The following RB1CC1 variants were observed in gnomAD, a reference collection of about 807,000 sequenced individuals.
The protein encoded by RB1CC1 is RB1 inducible coiled-coil 1.
In RB1CC1, 46 loss-of-function variants were observed where a neutral mutation model predicts 177.5. The observed-to-expected ratio is 0.26, with a 90% CI of 0.20 to 0.33. RB1CC1 has a LOEUF of 0.33. RB1CC1 is among the 10% of genes least tolerant of loss of function. RB1CC1 has a pLI of 1.00. For missense variants in RB1CC1, 1,703 were observed against 1,816.3 expected, an observed-to-expected ratio of 0.94 and a Z score of 1.13; for synonymous variants, 666 against 613.6, an observed-to-expected ratio of 1.09 and a Z score of -1.26.
chr8:52,651,381 C>G (rs1235499526), intron 15 of RB1CC1, among the ~76,000 whole-genome samples: 3 of 152,226 alleles, frequency 2.0e-5, no homozygotes, highest in Non-Finnish European at 4.4e-5. Context: ...TGCTGTCTTG[C>G]TAAAATGGTA....
intron 21 of RB1CC1, 47 bp from the exon 22 acceptor site, chr8:52,628,215 C>T (rs914701965): frequency 6.4e-7 from 1 of 1,553,582 alleles, no homozygotes; most frequent in African/African-American, 1.4e-5. Flanking sequence ...ACTTTCAATC[C>T]CCCTATTCTG....
At chr8:52,634,581 A>G (rs1848992724) in intron 20 of RB1CC1, among the ~76,000 whole-genome samples, 1 of 152,186 alleles carries the variant, frequency 6.6e-6, no homozygotes, top group South Asian at 2.1e-4. Flanking sequence ...GAGTAAATAT[A>G]TTAATCTTCA....
At chr8:52,664,193 T>A (rs1851864955) in intron 8 of RB1CC1, among the ~76,000 whole-genome samples, 1 of 152,200 alleles carries the variant, frequency 6.6e-6, no homozygotes, top group Non-Finnish European at 1.5e-5. Flanking sequence ...TTTTCTCTAA[T>A]GAGCTCACTG....
intron 16 of RB1CC1, among the ~76,000 whole-genome samples, chr8:52,644,458 C>A (rs1436621041): frequency 6.6e-6 from 1 of 152,112 alleles, no homozygotes; most frequent in Non-Finnish European, 1.5e-5. Flanking sequence ...AGAGACAATG[C>A]AACACAAGGA....
chr8:52,708,685 G>GA (rs558616776), intron 1 of RB1CC1, among the ~76,000 whole-genome samples: 2 of 152,174 alleles, frequency 1.3e-5, no homozygotes, highest in African/African-American at 2.4e-5. Context: ...TATCTGGGGG[G>GA]AAAAACCTAT....
chr8:52,671,635 CT>C (rs909314232), intron 7 of RB1CC1, among the ~76,000 whole-genome samples: 2 of 152,176 alleles, frequency 1.3e-5, no homozygotes, highest in African/African-American at 4.8e-5. Context: ...AGATCATATA[CT>C]TTGTAAAATA....
chr8:52,656,263 G>A lies in RB1CC1; in HGVS notation c.3566C>T (p.Ala1189Val). The change falls in exon 15 of 24, where the codon GCT (alanine) becomes GTT (valine). Residue 1189 changes from alanine to valine, a missense_variant. By Grantham distance (64) the Ala-to-Val change is moderately conservative. Transcript: ENST00000025008. ...LQSKLDSELS[A>V]LERQKDEKIT... Reference sequence around the variant, plus strand: ...TTTTTCATCTTTTTGTCTTTCAAGAGCACTCAATTCTGAATCCAATTTACT... The same window carrying A: ...TTTTTCATCTTTTTGTCTTTCAAGAACACTCAATTCTGAATCCAATTTACT... 1 of 1,613,174 alleles carries A rather than the reference G, an allele frequency of 6.2e-7. No homozygotes were observed. Among genetic ancestry groups the A allele is most frequent in the Non-Finnish European group, 8.5e-7 (1 of 1,179,730 alleles).
chr8:52,682,008 A>C (rs1204412561), intron 5 of RB1CC1, among the ~76,000 whole-genome samples: 1 of 152,232 alleles, frequency 6.6e-6, no homozygotes, highest in African/African-American at 2.4e-5. Context: ...ACGGTCCTCC[A>C]GACCCCAGAA....
intron 7 of RB1CC1, among the ~76,000 whole-genome samples, chr8:52,669,616 A>G (rs995197739): frequency 7.9e-5 from 12 of 152,218 alleles, no homozygotes; most frequent in African/African-American, 2.9e-4. Context: ...GTTTTGCACA[A>G]TGTTGTCTCA....
intron 1 of RB1CC1, among the ~76,000 whole-genome samples, chr8:52,695,239 G>A (rs1855286409): frequency 6.6e-6 from 1 of 152,178 alleles, no homozygotes. Flanking sequence ...AGAAATACTA[G>A]TATAAACAAG....
chr8:52,704,917 A>C (rs1057126548), intron 1 of RB1CC1, among the ~76,000 whole-genome samples: 1 of 152,210 alleles, frequency 6.6e-6, no homozygotes, highest in African/African-American at 2.4e-5. Context: ...CTTTTATAAA[A>C]TGAAACCATA....
rs1849995552 is a variant in RB1CC1, at chr8:52,646,086, G to T, written c.3822-219C>A. Among the ~76,000 whole-genome samples the T allele has an allele frequency of 2.0e-5, 3 of 152,274 alleles. No individual in the cohort carries two copies. The South Asian group carries it at 6.2e-4, about 32-fold the overall frequency. The stretch of plus-strand genomic sequence containing the variant: ...TAACAAGGTTTACTGATTTTTATCA[G>T]TATAGCAGATAAATTCCAGATAATT... On this transcript the variant is annotated intron_variant, in intron 15 of 23. Coordinates refer to ENST00000025008, the MANE Select transcript of RB1CC1 (RefSeq NM_014781.5).
At chr8:52,660,700 T>G (rs755359332) in intron 11 of RB1CC1, 43 bp from the exon 12 acceptor site, 1 of 1,512,348 alleles carries the variant, frequency 6.6e-7, no homozygotes, top group Non-Finnish European at 9.0e-7. Flanking sequence ...AGAGCTTTAT[T>G]TAAGGCAAAA....
chr8:52,675,888 GA>G (rs1268855883), intron 6 of RB1CC1, among the ~76,000 whole-genome samples: 3,498 of 72,152 alleles, frequency 0.048, 150 homozygotes, highest in African/African-American at 0.15. Flanking sequence ...CTCCGTCTCA[GA>G]AAAAAAAAAA....
intron 18 of RB1CC1, among the ~76,000 whole-genome samples, chr8:52,638,807 G>A (rs898099356): frequency 1.3e-5 from 2 of 152,026 alleles, no homozygotes; most frequent in Non-Finnish European, 2.9e-5. Flanking sequence ...GATCAACAAT[G>A]CCTCTAATGT....
intron 18 of RB1CC1, among the ~76,000 whole-genome samples, chr8:52,637,776 T>C (rs1849264235): frequency 6.6e-6 from 1 of 152,096 alleles, no homozygotes; most frequent in Non-Finnish European, 1.5e-5. Context: ...GTTCAATCAA[T>C]TCTCCTGTCT....
rs371957143 is a variant in RB1CC1 at position 52,653,147 on chromosome 8, G to A, written c.3821+2861C>T. On this transcript the variant is annotated intron_variant, in intron 15 of 23. Coordinates refer to ENST00000025008, the MANE Select transcript of RB1CC1 (RefSeq NM_014781.5). The stretch of plus-strand genomic sequence containing the variant: ...GCATCCAAAGGCAGGTATACTGGAA[G>A]GGATTTATTACTTATACCCTCAGAG... Among the ~76,000 whole-genome samples the A allele has an allele frequency of 3.3e-5, 5 of 152,294 alleles. No homozygotes were observed. The East Asian group carries it at 5.8e-4, about 18-fold the overall frequency.
Position 52,656,288 on chromosome 8 carries a change from T to G in RB1CC1, c.3541A>C (p.Ser1181Arg). 1.2e-6 allele frequency: 2 copies of G among 1,613,376 alleles called. No individual in the cohort carries two copies. The highest frequency in any genetic ancestry group is 1.7e-6 in the Non-Finnish European group (2 of 1,179,818). ...NLKEQIIELQ[S>R]KLDSELSALE... ...GCACTCAATTCTGAATCCAATTTAC[T>G]CTGCAGTTCAATTATTTGTTCTTTT... The change falls in exon 15 of 24, where the codon AGT (serine) becomes CGT (arginine). Residue 1181 changes from serine (S) to arginine (R), a missense_variant. By Grantham distance (110) the Ser-to-Arg change is moderately radical (BLOSUM62 -1). Coordinates refer to ENST00000025008, the MANE Select transcript of RB1CC1 (RefSeq NM_014781.5).
In RB1CC1 at chr8:52,630,439, A is replaced by G. The variant is rs764484652; in HGVS notation, c.4499+31T>C. The G allele has an allele frequency of 4.5e-6, 7 of 1,539,818 alleles. No homozygotes were observed. In the Admixed American group the frequency reaches 1.3e-4, roughly 29 times the overall value. On this transcript the variant is annotated intron_variant, in intron 21 of 23. Transcript: ENST00000025008. ...TAACAATTCAGTGAATGTTTTTCAC[A>G]GAAAAATACTCACAAAACTAAAATA... is the stretch of plus-strand genomic sequence containing the variant.
Sources: gnomAD v4.1 joint callset for allele counts (sites outside exome capture counted in the v4.1 genomes callset) on GRCh38, gnomAD v4.1.1 for gene constraint, MANE v1.5 for transcripts, NCBI Gene and HGNC (gene_info 2026-07-23, HGNC 2026-07-21) for gene names.